The following RSF1 variants were observed in gnomAD, a reference collection of about 807,000 sequenced individuals.
RSF1 encodes remodeling and spacing factor 1.
In RSF1, 13 loss-of-function variants were observed where a neutral mutation model predicts 145.2. The observed-to-expected ratio is 0.09, with a 90% CI of 0.06 to 0.14. The LOEUF is 0.14. Ranked by LOEUF, RSF1 falls within the 10% of genes least tolerant of loss-of-function variation. RSF1 has a pLI of 1.00. For missense variants in RSF1, 1,517 were observed against 1,718.2 expected, an observed-to-expected ratio of 0.88 and a Z score of 2.07; for synonymous variants, 577 against 592.6, an observed-to-expected ratio of 0.97 and a Z score of 0.38.
At position 77,661,156 on chromosome 11, in the gene RSF1, T is replaced by G. The variant is rs1231098611; in HGVS notation, c.*5761A>C. 6.6e-6 allele frequency: 1 copy of G among 152,156 alleles called. No individual in the cohort carries two copies. The highest frequency in any genetic ancestry group is 2.4e-5 in the African/African-American group (1 of 41,434). 9.4% of individuals were successfully genotyped at this position (152,156 alleles called of 1,614,324 possible). A position where few individuals can be genotyped will look rare whatever the true frequency, so the allele number is the denominator to read the frequency against. ...GACCAATTCTAGTTTTTTCCTTCTT[T>G]TATATGAATAGATTAAAATCAAGCC... On this transcript the variant is annotated 3_prime_UTR_variant, in exon 16 of 16. Transcript: ENST00000308488.
At chr11:77,760,914 T>C (rs1565172629) in intron 2 of RSF1, among the ~76,000 whole-genome samples, 1 of 151,908 alleles carries the variant, frequency 6.6e-6, no homozygotes, top group African/African-American at 2.4e-5. Flanking sequence ...GGTTATTTTC[T>C]TTCTTTTTTT....
In RSF1 at chr11:77,701,934, GTGAT is replaced by G; in HGVS notation, c.1291_1294del (p.Ile431LeufsTer11). The G allele has an allele frequency of 6.2e-7, 1 of 1,613,596 alleles. No individual in the cohort carries two copies. The highest frequency in any genetic ancestry group is 8.5e-7 in the Non-Finnish European group (1 of 1,179,884). On this transcript the variant is annotated frameshift_variant, in exon 6 of 16. Transcript: ENST00000308488. LOFTEE classifies it high-confidence loss of function. ...CTGTTTCCCTTCATGACCCAAAGCA[GTGAT>G]TGTAGAGATCCTTTTACAAGTCTCT...
intron 4 of RSF1, chr11:77,735,070 G>T: frequency 8.8e-7 from 1 of 1,140,342 alleles, no homozygotes; most frequent in Non-Finnish European, 1.3e-6. Context: ...GTGGCTGCGT[G>T]GCGCTGGGGC....
At chr11:77,675,282 A>G (rs1959671395) in intron 13 of RSF1, 26 bp from the exon 14 acceptor site, 9 of 1,577,928 alleles carry the variant, frequency 5.7e-6, no homozygotes, top group Non-Finnish European at 7.7e-6. Context: ...CAGATAAAAT[A>G]CAATGGTATT....
chr11:77,789,223 G>A (rs966224179), intron 1 of RSF1, among the ~76,000 whole-genome samples: 2 of 152,148 alleles, frequency 1.3e-5, no homozygotes, highest in Non-Finnish European at 2.9e-5. Context: ...GCTAGCCACG[G>A]GAGAGGGCCT....
At chr11:77,759,855 TAAAA>T (rs11409466) in intron 2 of RSF1, among the ~76,000 whole-genome samples, 2 of 134,258 alleles carry the variant, frequency 1.5e-5, no homozygotes, top group Admixed American at 7.6e-5. Context: ...TGATGCATGT[TAAAA>T]AAAAAAAAAA....
chr11:77,725,667 A>C lies in RSF1; in HGVS notation c.611T>G (p.Leu204Arg), dbSNP rs750370643. 3 of 1,596,466 alleles carry C rather than the reference A, an allele frequency of 1.9e-6. No individual in the cohort carries two copies. The East Asian group carries it at 6.8e-5, about 36-fold the overall frequency. Residue 204 changes from leucine to arginine, a missense_variant, in exon 5 of 16, where the codon CTC becomes CGC. By Grantham distance (102) the Leu-to-Arg change is moderately radical. Coordinates refer to ENST00000308488, the MANE Select transcript of RSF1 (RefSeq NM_016578.4). ...NRNELAETLA[L>R]LKAQIDPVLL... ...TACAGGATCAATTTGTGCTTTCAGG[A>C]GTGCAAGAGTCTCAGCCAACTCGTT...
rs1411164956 is a variant in RSF1 at position 77,781,180 on chromosome 11, A to C, written c.188-16491T>G. Among the ~76,000 whole-genome samples, 4 of 152,092 alleles carry C rather than the reference A, an allele frequency of 2.6e-5. No individual in the cohort carries two copies. In the East Asian group the frequency reaches 7.7e-4, roughly 29 times the overall value. ...CAGTGGCTCGATTTCGGCTCATTGC[A>C]ACCTTCACCTCCTGGGTTCATACAA... On this transcript the variant is annotated intron_variant, in intron 1 of 15. Coordinates refer to ENST00000308488, the MANE Select transcript of RSF1 (RefSeq NM_016578.4).
chr11:77,784,632 G>A (rs1480493082), intron 1 of RSF1, among the ~76,000 whole-genome samples: 1 of 152,154 alleles, frequency 6.6e-6, no homozygotes, highest in Non-Finnish European at 1.5e-5. Context: ...ATTTTGCAAT[G>A]TGCTGTAAAA....
intron 4 of RSF1, among the ~76,000 whole-genome samples, chr11:77,732,696 C>A (rs1472564611): frequency 6.6e-6 from 1 of 152,202 alleles, no homozygotes; most frequent in Non-Finnish European, 1.5e-5. Flanking sequence ...TCTTTGCCTG[C>A]CGCCATCAAT....
chr11:77,723,470 A>G (rs541362662), intron 5 of RSF1, among the ~76,000 whole-genome samples: 1 of 152,120 alleles, frequency 6.6e-6, no homozygotes, highest in Non-Finnish European at 1.5e-5. Flanking sequence ...CTCAAAGGGG[A>G]AAAAAAAGGC....
chr11:77,683,328 A>G (rs1485136535), intron 11 of RSF1, among the ~76,000 whole-genome samples: 3 of 152,124 alleles, frequency 2.0e-5, no homozygotes, highest in African/African-American at 7.2e-5. Flanking sequence ...CCCAAGAGCT[A>G]TGGAAATCTG....
chr11:77,753,024 A>G (rs1411516973), intron 2 of RSF1, among the ~76,000 whole-genome samples: 1 of 152,228 alleles, frequency 6.6e-6, no homozygotes, highest in Non-Finnish European at 1.5e-5. Flanking sequence ...TCTAAAAATG[A>G]GAGGCATGAA....
chr11:77,784,263 C>T (rs1248179638), intron 1 of RSF1, among the ~76,000 whole-genome samples: 2 of 152,190 alleles, frequency 1.3e-5, no homozygotes, highest in Non-Finnish European at 2.9e-5. Context: ...GTTTGTTCTG[C>T]AGCATCCAAT....
chr11:77,792,445 G>C (rs1264890186), intron 1 of RSF1, among the ~76,000 whole-genome samples: 1 of 152,080 alleles, frequency 6.6e-6, no homozygotes, highest in African/African-American at 2.4e-5. Context: ...TCTGTACCTG[G>C]CTAACACTGG....
rs147945227 is a variant in RSF1, at chr11:77,815,121, T to G, written c.187+5407A>C. ...AGTAAGGAGAGAATGCCTGCTGTTC[T>G]CTCTAGTTTAGGCATCAATTTGCCT... On this transcript the variant is annotated intron_variant, in intron 1 of 15. Coordinates refer to ENST00000308488, the MANE Select transcript of RSF1 (RefSeq NM_016578.4). Among the ~76,000 whole-genome samples, 251 of 152,368 alleles carry G rather than the reference T, an allele frequency of 1.6e-3. 1 individual carries two copies. Among genetic ancestry groups the G allele is most frequent in the African/African-American group, 5.8e-3 (241 of 41,592 alleles).
At chr11:77,754,050 G>A (rs567408603) in intron 2 of RSF1, among the ~76,000 whole-genome samples, 3 of 152,274 alleles carry the variant, frequency 2.0e-5, no homozygotes, top group Admixed American at 2.0e-4. Context: ...TATGACTCTG[G>A]TCTTCCCTTT....
the RSF1 span, among the ~76,000 whole-genome samples, chr11:77,838,015 G>C: frequency 6.6e-6 from 1 of 152,182 alleles, no homozygotes; most frequent in Non-Finnish European, 1.5e-5. Flanking sequence ...TGAGGTTGCA[G>C]TGAGCTAAGA....
intron 1 of RSF1, among the ~76,000 whole-genome samples, chr11:77,781,419 A>C (rs1275860168): frequency 6.6e-6 from 1 of 152,170 alleles, no homozygotes; most frequent in Non-Finnish European, 1.5e-5. Flanking sequence ...GACTATTATA[A>C]ATAAAGCTGC....
Sources: allele counts gnomAD v4.1 joint callset (sites outside exome capture counted in the v4.1 genomes callset), GRCh38; gene constraint gnomAD v4.1.1; transcripts MANE v1.5; gene names NCBI Gene and HGNC (gene_info 2026-07-23, HGNC 2026-07-21).